RARB: variants seen among roughly 807,000 people sequenced by gnomAD.
RARB encodes the protein HBV-activated protein.
RARB carries 17 observed loss-of-function variants against 51.9 expected under a neutral mutation model. The observed-to-expected ratio is 0.33, with a 90% confidence interval of 0.22 to 0.49. The LOEUF (loss-of-function observed/expected upper bound fraction) is 0.49. Among genes scored for constraint, RARB ranks in the 20% least tolerant of loss-of-function variants. The pLI is 0.99. For missense variants in RARB, 369 were observed against 550.8 expected (o/e 0.67, Z 3.30); for synonymous variants, 215 against 195.4 (o/e 1.10, Z -0.84).
chr3:25,432,610 A>T (rs964482700), intron 1 of RARB, among the ~76,000 whole-genome samples: 2 of 152,032 alleles, frequency 1.3e-5, no homozygotes, highest in Non-Finnish European at 2.9e-5. Context: ...GCGTAAGAAT[A>T]AAAAAAAGTT....
At chr3:25,297,514 A>G (rs570475833) in intron 5 of RARB, among the ~76,000 whole-genome samples, 1 of 145,726 alleles carries the variant, frequency 6.9e-6, no homozygotes, top group African/African-American at 2.5e-5. Flanking sequence ...GTAACATTAT[A>G]TGAATTCATA....
intron 4 of RARB, among the ~76,000 whole-genome samples, chr3:25,573,819 C>T (rs558944218): frequency 2.6e-5 from 4 of 152,306 alleles, no homozygotes; most frequent in East Asian, 1.9e-4. Context: ...CAGCCAACTG[C>T]GCATCTACAG....
intron 3 of RARB, among the ~76,000 whole-genome samples, chr3:25,544,583 C>T (rs1699533558): frequency 6.6e-6 from 1 of 152,190 alleles, no homozygotes; most frequent in African/African-American, 2.4e-5. Flanking sequence ...AATCCTCCTC[C>T]TCTTCCTTCT....
intron 2 of RARB, among the ~76,000 whole-genome samples, chr3:25,476,463 C>G (rs1235500118): frequency 2.0e-5 from 3 of 152,122 alleles, no homozygotes; most frequent in African/African-American, 7.2e-5. Context: ...TTTTTACACT[C>G]CATTCTCTGC....
intron 4 of RARB, among the ~76,000 whole-genome samples, chr3:25,158,401 G>C (rs1700412800): frequency 6.6e-6 from 1 of 152,184 alleles, no homozygotes; most frequent in Admixed American, 6.5e-5. Flanking sequence ...ATTCAAGTGA[G>C]TGCTGTTGGC....
chr3:24,902,845 A>C (rs1703636793), intron 2 of RARB, among the ~76,000 whole-genome samples: 1 of 152,202 alleles, frequency 6.6e-6, no homozygotes, highest in Admixed American at 6.5e-5. Context: ...TTTTACATTA[A>C]TTATATATTA....
At chr3:24,937,688 C>G (rs1695574718) in intron 2 of RARB, among the ~76,000 whole-genome samples, 1 of 152,096 alleles carries the variant, frequency 6.6e-6, no homozygotes, top group Admixed American at 6.6e-5. Context: ...AACATTTATT[C>G]AGGCTATTGC....
intron 3 of RARB, among the ~76,000 whole-genome samples, chr3:25,527,143 G>A (rs760294817): frequency 1.2e-4 from 19 of 152,160 alleles, no homozygotes; most frequent in Non-Finnish European, 2.8e-4. Flanking sequence ...GGTCTGGAAG[G>A]GGACCTGACA....
chr3:24,868,067 T>C (rs1435675289), intron 2 of RARB, among the ~76,000 whole-genome samples: 1 of 152,168 alleles, frequency 6.6e-6, no homozygotes, highest in Admixed American at 6.6e-5. Context: ...GGGCTTGATA[T>C]CCGAGTTGTA....
intron 2 of RARB, among the ~76,000 whole-genome samples, chr3:24,929,930 T>C (rs531386448): frequency 6.6e-6 from 1 of 152,268 alleles, no homozygotes; most frequent in South Asian, 2.1e-4. Flanking sequence ...TTACCTATTT[T>C]AATGCTGTTC....
chr3:25,361,203 G>T (rs1178497154), intron 5 of RARB, among the ~76,000 whole-genome samples: 1 of 151,946 alleles, frequency 6.6e-6, no homozygotes, highest in African/African-American at 2.4e-5. Flanking sequence ...CTCTAATCTT[G>T]TCTTTACGCT....
At chr3:25,007,605 C>CAAAAAAAAAAAAAAAAA (rs1279154112) in intron 2 of RARB, among the ~76,000 whole-genome samples, 2 of 60,640 alleles carry the variant, frequency 3.3e-5, no homozygotes, top group South Asian at 8.4e-4. Flanking sequence ...AAAAAAAAAA[C>CAAAAAAAAAAAAAAAAA]AAAAAAACCT....
At chr3:25,266,127 C>A (rs537891972) in intron 5 of RARB, among the ~76,000 whole-genome samples, 1 of 152,262 alleles carries the variant, frequency 6.6e-6, no homozygotes, top group East Asian at 1.9e-4. Context: ...GTATCTACAA[C>A]CTAATATGTT....
At chr3:25,595,740 T>G (rs944118145) in intron 7 of RARB, among the ~76,000 whole-genome samples, 12 of 152,196 alleles carry the variant, frequency 7.9e-5, no homozygotes, top group African/African-American at 2.4e-4. Context: ...ATTTAACAAA[T>G]TTAAATTTAG....
chr3:24,919,412 A>G (rs1456919540), intron 2 of RARB, among the ~76,000 whole-genome samples: 1 of 152,208 alleles, frequency 6.6e-6, no homozygotes, highest in East Asian at 1.9e-4. Context: ...TCTTGTGCCA[A>G]TCATCGAGTT....
intron 5 of RARB, among the ~76,000 whole-genome samples, chr3:25,269,805 T>A (rs1333204466): frequency 6.6e-6 from 1 of 152,204 alleles, no homozygotes; most frequent in African/African-American, 2.4e-5. Flanking sequence ...AATTTGTATA[T>A]ACTCATTTTA....
At chr3:24,864,810 T>C (rs1023267879) in intron 2 of RARB, among the ~76,000 whole-genome samples, 1 of 152,202 alleles carries the variant, frequency 6.6e-6, no homozygotes, top group Non-Finnish European at 1.5e-5. Flanking sequence ...TTGCCAACCT[T>C]TATCCCAGAA....
At chr3:24,975,275 C>T (rs994903629) in intron 2 of RARB, among the ~76,000 whole-genome samples, 5 of 152,006 alleles carry the variant, frequency 3.3e-5, no homozygotes, top group African/African-American at 1.2e-4. Context: ...ATGATAGTTG[C>T]TATTATTACT....
intron 2 of RARB, among the ~76,000 whole-genome samples, chr3:24,965,047 T>A (rs1350550466): frequency 6.6e-6 from 1 of 152,210 alleles, no homozygotes; most frequent in Non-Finnish European, 1.5e-5. Context: ...AAATTCTAGA[T>A]TTACAGAAAC....
Sources: allele counts gnomAD v4.1 joint callset (sites outside exome capture counted in the v4.1 genomes callset), GRCh38; gene constraint gnomAD v4.1.1; transcripts MANE v1.5; gene names NCBI Gene and HGNC (gene_info 2026-07-23, HGNC 2026-07-21).